The following KATNAL1 variants were observed in gnomAD, a reference collection of about 807,000 sequenced individuals.
KATNAL1 encodes the protein katanin p60 ATPase-containing subunit A-like 1.
A neutral mutation model predicts 55.2 loss-of-function variants in KATNAL1; 32 were observed. That is an observed-to-expected ratio of 0.58 (90% CI 0.44 to 0.78). KATNAL1 has a LOEUF of 0.78. Ranked by LOEUF, KATNAL1 falls within the 30% of genes least tolerant of loss-of-function variation. KATNAL1 has a pLI of 0.00. For synonymous variants in KATNAL1, 193 were observed against 193.6 expected (o/e 1.00, Z 0.02); for missense variants, 466 against 600.9 (o/e 0.78, Z 2.35).
At chr13:30,261,381 A>AT (rs1179439115) in intron 3 of KATNAL1, among the ~76,000 whole-genome samples, 24 of 152,192 alleles carry the variant, frequency 1.6e-4, no homozygotes, top group African/African-American at 5.8e-4. Context: ...TTAACTTTCA[A>AT]TGTAAATGGA....
intron 4 of KATNAL1, among the ~76,000 whole-genome samples, chr13:30,250,361 T>TAA (rs764127781): frequency 6.6e-6 from 1 of 152,234 alleles, no homozygotes; most frequent in Non-Finnish European, 1.5e-5. Flanking sequence ...GATCAATGAG[T>TAA]AAAGCTCTAG....
chr13:30,262,200 C>G (rs906657993), intron 3 of KATNAL1, among the ~76,000 whole-genome samples: 35 of 151,614 alleles, frequency 2.3e-4, no homozygotes, highest in Non-Finnish European at 4.3e-4. Flanking sequence ...ACCAGAATCT[C>G]TGGGACGCAT....
At chr13:30,276,653 A>T (rs1880868658) in intron 3 of KATNAL1, among the ~76,000 whole-genome samples, 1 of 152,238 alleles carries the variant, frequency 6.6e-6, no homozygotes, top group South Asian at 2.1e-4. Context: ...AATTTCATTA[A>T]GCATTTTCAG....
intron 9 of KATNAL1, among the ~76,000 whole-genome samples, chr13:30,218,227 T>TATATATATAA (rs1555258842): frequency 0.02 from 2,959 of 145,142 alleles, 43 homozygotes; most frequent in East Asian, 0.04. Context: ...TATATATATA[T>TATATATATAA]AAAGGACCTG....
chr13:30,287,444 G>T (rs1158990808), intron 1 of KATNAL1, among the ~76,000 whole-genome samples: 2 of 152,204 alleles, frequency 1.3e-5, no homozygotes, highest in Admixed American at 6.5e-5. Flanking sequence ...CGCCATGATT[G>T]TAAGTTTCCT....
At chr13:30,254,500 T>C (rs1878617458) in intron 4 of KATNAL1, among the ~76,000 whole-genome samples, 2 of 152,216 alleles carry the variant, frequency 1.3e-5, no homozygotes, top group African/African-American at 2.4e-5. Flanking sequence ...ACCAATTTTA[T>C]TCTATCTTGG....
rs1385742628 is a variant in KATNAL1 at position 30,231,320 on chromosome 13, A to G, written c.879T>C (p.Phe293=). The G allele has an allele frequency of 1.9e-6, 3 of 1,605,450 alleles. No homozygotes were observed. Among genetic ancestry groups the G allele is most frequent in the Non-Finnish European group, 2.6e-6 (3 of 1,175,646 alleles). The change falls in exon 7 of 11, where the codon TTT becomes TTC. Residue 293 remains phenylalanine (F), a synonymous_variant. Coordinates refer to ENST00000380615, the MANE Select transcript of KATNAL1 (RefSeq NM_032116.5). The part of the protein sequence containing the change: ...GESEKLVRLL[F]EMARFYAPTT... ...TGAATATATCGTCACTCACCATCTC[A>G]AACAACAGACGAACTAACTTCTCAG...
intron 3 of KATNAL1, among the ~76,000 whole-genome samples, chr13:30,274,905 G>GCACACACA (rs1212571978): frequency 7.5e-4 from 63 of 84,298 alleles, no homozygotes; most frequent in Middle Eastern, 6.0e-3. Flanking sequence ...GCGCGCGCGC[G>GCACACACA]CGCACACACA....
intron 8 of KATNAL1, among the ~76,000 whole-genome samples, chr13:30,229,942 G>A (rs1288094145): frequency 9.6e-6 from 1 of 103,674 alleles, no homozygotes; most frequent in African/African-American, 3.2e-5. Context: ...AAAAAAAGAA[G>A]AGGGGCTTTT....
intron 2 of KATNAL1, among the ~76,000 whole-genome samples, chr13:30,280,842 A>G (rs1881226377): frequency 6.6e-6 from 1 of 152,188 alleles, no homozygotes; most frequent in South Asian, 2.1e-4. Context: ...TAAAAAATTT[A>G]ACTGAACACA....
At position 30,208,458 on chromosome 13, in the gene KATNAL1, C is replaced by A; in HGVS notation, c.*82G>T. On this transcript the variant is annotated 3_prime_UTR_variant, in exon 11 of 11. Transcript: ENST00000380615. Reference sequence around the variant, plus strand: ...GAAAACCACTCCACTGAAAAAAATTCCAAACTTGTTTTTTAAAAATTGCAG... The same window carrying A: ...GAAAACCACTCCACTGAAAAAAATTACAAACTTGTTTTTTAAAAATTGCAG... 2 of 1,273,826 alleles carry A rather than the reference C, an allele frequency of 1.6e-6. No homozygotes were observed. Among genetic ancestry groups the A allele is most frequent in the Non-Finnish European group, 2.1e-6 (2 of 945,024 alleles). 78.9% of individuals were successfully genotyped at this position (1,273,826 alleles called of 1,614,324 possible). A position where few individuals can be genotyped will look rare whatever the true frequency, so the allele number is the denominator to read the frequency against.
chr13:30,287,006 A>G (rs977287639), intron 1 of KATNAL1, among the ~76,000 whole-genome samples: 38 of 152,224 alleles, frequency 2.5e-4, no homozygotes, highest in African/African-American at 8.4e-4. Context: ...ATATTTACCC[A>G]ATGCTTATAC....
chr13:30,295,503 C>T (rs1882421906), intron 1 of KATNAL1, among the ~76,000 whole-genome samples: 1 of 152,104 alleles, frequency 6.6e-6, no homozygotes, highest in South Asian at 2.1e-4. Context: ...GTGGCTCACA[C>T]CCGTAATCTC....
At chr13:30,223,235 C>G (rs536791010) in intron 9 of KATNAL1, among the ~76,000 whole-genome samples, 4 of 151,830 alleles carry the variant, frequency 2.6e-5, no homozygotes, top group East Asian at 1.9e-4. Context: ...GTCAGGAGAT[C>G]GAGACCATCC....
intron 4 of KATNAL1, 72 bp downstream of exon 4, chr13:30,255,375 C>T: frequency 1.6e-6 from 2 of 1,265,714 alleles, no homozygotes; most frequent in South Asian, 2.1e-5. Flanking sequence ...CTTGAAAAGC[C>T]AACAAAAATC....
intron 9 of KATNAL1, among the ~76,000 whole-genome samples, chr13:30,212,476 G>A (rs1045190997): frequency 6.6e-6 from 1 of 152,236 alleles, no homozygotes; most frequent in Non-Finnish European, 1.5e-5. Context: ...CGTGGGATCA[G>A]GGCCAGTAGC....
chr13:30,215,618 C>G (rs1360399073), intron 9 of KATNAL1, among the ~76,000 whole-genome samples: 1 of 152,180 alleles, frequency 6.6e-6, no homozygotes, highest in African/African-American at 2.4e-5. Flanking sequence ...AGTTCATGTC[C>G]TTTGTAGGGA....
chr13:30,209,112 C>T (rs1873419405), intron 10 of KATNAL1, among the ~76,000 whole-genome samples: 1 of 152,204 alleles, frequency 6.6e-6, no homozygotes, highest in East Asian at 1.9e-4. Flanking sequence ...ATTCAAACCA[C>T]AGACCAGTTT....
chr13:30,228,576 C>T (rs965975410), intron 8 of KATNAL1, among the ~76,000 whole-genome samples: 2 of 152,104 alleles, frequency 1.3e-5, no homozygotes, highest in African/African-American at 4.8e-5. Context: ...TCTCCTATAC[C>T]CCACTTCAAA....
Sources: gnomAD v4.1 joint callset for allele counts (sites outside exome capture counted in the v4.1 genomes callset) on GRCh38, gnomAD v4.1.1 for gene constraint, MANE v1.5 for transcripts, NCBI Gene and HGNC (gene_info 2026-07-23, HGNC 2026-07-21) for gene names.